The following VILL variants were observed in gnomAD, a reference collection of about 807,000 sequenced individuals.
The protein encoded by VILL is villin like.
Under a neutral mutation model 106.3 loss-of-function variants are expected in VILL, and 102 were observed. The observed-to-expected ratio is 0.96, with a 90% CI of 0.82 to 1.13. The LOEUF (loss-of-function observed/expected upper bound fraction) is 1.13, where lower values mean the gene tolerates loss of function less well. Among genes scored for constraint, VILL ranks in the 50% most tolerant of loss-of-function variants. VILL has a pLI of 0.00. For missense variants in VILL, 1,076 were observed against 1,116.6 expected (o/e 0.96, Z 0.52); for synonymous variants, 431 against 440.3 (o/e 0.98, Z 0.27).
Position 37,997,235 on chromosome 3 carries a change from A to G in VILL, c.561+48A>G. ...GGGGAGTACGGGGCTTGGGCGGGGA[A>G]TGATCCTCCAGTTGACCATCCTCCG... On this transcript the variant is annotated intron_variant, in intron 6 of 19. Transcript: ENST00000383759. This position sits in a 1 kb window ranked among gnomAD's most constrained non-coding sequence, Gnocchi z 4.7. 6.3e-7 allele frequency: 1 copy of G among 1,580,354 alleles called. No homozygotes were observed. The highest frequency in any genetic ancestry group is 1.1e-5 in the South Asian group (1 of 90,208).
At chr3:38,003,527 G>A in intron 15 of VILL, 1 of 604,104 alleles carries the variant, frequency 1.7e-6, no homozygotes, top group East Asian at 3.1e-5. Flanking sequence ...GGAGAGTGGG[G>A]GCAGTGGCGA....
chr3:38,001,281 C>T (rs1699811084), intron 11 of VILL, 175 bp from the exon 12 acceptor site: 8 of 974,818 alleles, frequency 8.2e-6, no homozygotes, highest in Non-Finnish European at 1.2e-5. Context: ...CCTGCAGATC[C>T]TTGTACAAAG....
At position 37,993,920 on chromosome 3, in the gene VILL, C is replaced by A; in HGVS notation, c.83C>A (p.Pro28His). Residue 28 changes from proline (P) to histidine (H), a missense_variant, in exon 3 of 20, where the codon CCC (proline) becomes CAC (histidine). Transcript: ENST00000383759. ...CAGAACCGGAAGATGGTGCCGGTAC[C>A]CGAGGGGGCTTACGGGAACTTTTTT... ...ISENRKMVPV[P>H]EGAYGNFFEE... 5.0e-6 allele frequency: 8 copies of A among 1,614,172 alleles called. No individual in the cohort carries two copies. Among genetic ancestry groups the A allele is most frequent in the Non-Finnish European group, 6.8e-6 (8 of 1,180,034 alleles).
rs750728155 is a variant in VILL at position 38,004,380 on chromosome 3, T to C, written c.1931T>C (p.Leu644Ser). Reference protein sequence around the residue: ...QEDLDKYDIMLLDTWQEIFLW... With the variant: ...QEDLDKYDIMSLDTWQEIFLW... Reference sequence around the variant, plus strand: ...GACCTGGACAAGTATGACATCATGTTACTGGACACCTGGCAGGAGGTAAGG... The same window carrying C: ...GACCTGGACAAGTATGACATCATGTCACTGGACACCTGGCAGGAGGTAAGG... The change falls in exon 16 of 20, where the codon TTA becomes TCA. Residue 644 changes from leucine to serine, a missense_variant. Coordinates refer to ENST00000383759, the MANE Select transcript of VILL (RefSeq NM_015873.4). 2 of 1,609,260 alleles carry C rather than the reference T, an allele frequency of 1.2e-6. No homozygotes were observed. The highest frequency in any genetic ancestry group is 1.7e-6 in the Non-Finnish European group (2 of 1,175,782).
chr3:38,006,325 A>G, intron 18 of VILL, 73 bp downstream of exon 18: 1 of 1,611,250 alleles, frequency 6.2e-7, no homozygotes, highest in South Asian at 1.1e-5. Flanking sequence ...GGGCAGGGGA[A>G]GTGCCAGGCC....
intron 16 of VILL, among the ~76,000 whole-genome samples, chr3:38,004,767 T>C (rs1699883876): frequency 6.6e-6 from 1 of 152,224 alleles, no homozygotes; most frequent in East Asian, 1.9e-4. Context: ...AATCGCATCA[T>C]TCATGTGTGT....
chr3:38,006,843 G>C (rs748379362), intron 19 of VILL, 99 bp from the exon 20 acceptor site: 29 of 1,509,752 alleles, frequency 1.9e-5, no homozygotes, highest in Non-Finnish European at 2.6e-5. Context: ...AACAGATGCG[G>C]GAGTCCCAAG....
At chr3:37,996,656 G>A (rs1442831233) in intron 5 of VILL, among the ~76,000 whole-genome samples, 1 of 152,122 alleles carries the variant, frequency 6.6e-6, no homozygotes, top group Non-Finnish European at 1.5e-5. Context: ...ACACCATGAA[G>A]CCCCATGTTT....
chr3:38,005,297 G>T (rs1699894606), intron 16 of VILL, among the ~76,000 whole-genome samples: 1 of 152,076 alleles, frequency 6.6e-6, no homozygotes, highest in South Asian at 2.1e-4. Context: ...CACTGCTTCT[G>T]CTGCAGCCAC....
At chr3:38,003,119 G>A (rs2125537052) in intron 14 of VILL, 49 bp from the exon 15 acceptor site, 1 of 1,600,996 alleles carries the variant, frequency 6.2e-7, no homozygotes, top group Non-Finnish European at 8.5e-7. Context: ...GGGGCCGGAG[G>A]TGAAGGCCCC....
intron 11 of VILL, 157 bp from the exon 12 acceptor site, chr3:38,001,299 C>T: frequency 8.8e-7 from 1 of 1,130,584 alleles, no homozygotes; most frequent in Non-Finnish European, 1.2e-6. Context: ...AAGCCCAGCA[C>T]AAGGCCCAGA....
At chr3:38,003,017 G>T (rs1699847873) in intron 14 of VILL, 151 bp from the exon 15 acceptor site, 3 of 986,022 alleles carry the variant, frequency 3.0e-6, no homozygotes, top group South Asian at 3.4e-5. Flanking sequence ...GTAGGGTGAG[G>T]AAGATGCCTT....
chr3:37,993,477 A>G (rs1699640208), intron 1 of VILL, 110 bp from the exon 2 acceptor site: 3 of 603,392 alleles, frequency 5.0e-6, no homozygotes, highest in Admixed American at 6.2e-5. Flanking sequence ...CAACCCACTC[A>G]TATCAGCTGA....
At chr3:38,002,274 C>A in intron 13 of VILL, 122 bp from the exon 14 acceptor site, 1 of 889,568 alleles carries the variant, frequency 1.1e-6, no homozygotes, top group Non-Finnish European at 1.7e-6. Context: ...TGTGAAATCA[C>A]CAGTGAGGGC....
At chr3:37,999,534 G>C in intron 11 of VILL, 95 bp downstream of exon 11, 1 of 936,754 alleles carries the variant, frequency 1.1e-6, no homozygotes, top group Non-Finnish European at 1.5e-6. Flanking sequence ...AGTGACCCAG[G>C]TGCACATCCA....
At chr3:37,993,816 A>C (rs1478583821) in intron 2 of VILL, 82 bp from the exon 3 acceptor site, 18 of 1,607,362 alleles carry the variant, frequency 1.1e-5, no homozygotes, top group African/African-American at 4.0e-5. Flanking sequence ...CCCCCAACTC[A>C]GAGCGTCCTC....
chr3:38,004,986 C>T (rs150992054), intron 16 of VILL, among the ~76,000 whole-genome samples: 23 of 152,204 alleles, frequency 1.5e-4, no homozygotes, highest in African/African-American at 5.5e-4. Context: ...GCCGGGTGTG[C>T]GTGGCTGTGT....
At chr3:38,001,419 A>G (rs752240615) in intron 11 of VILL, 37 bp from the exon 12 acceptor site, 9 of 1,608,082 alleles carry the variant, frequency 5.6e-6, no homozygotes, top group Non-Finnish European at 7.6e-6. Flanking sequence ...GTTCAGGAAG[A>G]GCAGCCACCT....
Position 37,997,635 on chromosome 3 carries a change from G to A in VILL, c.714G>A (p.Thr238=), listed in dbSNP as rs781341193. Residue 238 remains threonine, a synonymous_variant, in exon 7 of 20, where the codon ACG becomes ACA. Coordinates refer to ENST00000383759, the MANE Select transcript of VILL (RefSeq NM_015873.4). This position sits in a 1 kb window ranked among gnomAD's most constrained non-coding sequence, Gnocchi z 4.7. The stretch of plus-strand genomic sequence containing the variant: ...GGGTGGGCAGCCTGCGTGCCGCCAC[G>A]CCCAGCAAGGATATCAACCAGCTGC... ...GRRVGSLRAA[T]PSKDINQLQK... 43 of 1,470,010 alleles carry A rather than the reference G, an allele frequency of 2.9e-5. No individual in the cohort carries two copies. The highest frequency in any genetic ancestry group is 3.5e-5 in the Non-Finnish European group (38 of 1,090,526). The allele number at this position is 1,470,010 out of a possible 1,614,324, so 91.1% of individuals were successfully genotyped here. A position where few individuals can be genotyped will look rare whatever the true frequency, so the allele number is the denominator to read the frequency against.
Sources: gnomAD v4.1 joint callset for allele counts (sites outside exome capture counted in the v4.1 genomes callset) on GRCh38, gnomAD v4.1.1 for gene constraint, Gnocchi (gnomAD v3.1) non-coding constraint, MANE v1.5 for transcripts, NCBI Gene and HGNC (gene_info 2026-07-23, HGNC 2026-07-21) for gene names.